Variants in SLC14A2 observed in about 807,000 individuals in gnomAD.
SLC14A2 encodes urea transporter 2.
SLC14A2 carries 91 observed loss-of-function variants against 104.6 expected under a neutral mutation model. The observed-to-expected ratio is 0.87, with a 90% CI of 0.73 to 1.04. SLC14A2 has a LOEUF of 1.04. SLC14A2 is among the 50% of genes least tolerant of loss of function. The pLI is 0.00. For missense variants in SLC14A2, 1,189 were observed against 1,156.0 expected, an observed-to-expected ratio of 1.03 and a Z score of -0.41; for synonymous variants, 476 against 466.4, an observed-to-expected ratio of 1.02 and a Z score of -0.27.
chr18:45,340,069 A>C (rs753363424), intron 1 of SLC14A2, among the ~76,000 whole-genome samples: 8 of 152,226 alleles, frequency 5.3e-5, no homozygotes, highest in Admixed American at 6.5e-5. Context: ...TTGGTAGGTC[A>C]CATGTGCTAT....
the SLC14A2 span, among the ~76,000 whole-genome samples, chr18:45,185,287 C>T: frequency 6.6e-6 from 1 of 152,160 alleles, no homozygotes; most frequent in Non-Finnish European, 1.5e-5. Flanking sequence ...GGAGGTTGTG[C>T]ACACATTGAA....
intron 1 of SLC14A2, among the ~76,000 whole-genome samples, chr18:45,378,876 G>A (rs1202811302): frequency 6.6e-6 from 1 of 152,156 alleles, no homozygotes; most frequent in East Asian, 1.9e-4. Flanking sequence ...CTCCCGAAGT[G>A]CTGGGATTAC....
intron 2 of SLC14A2, among the ~76,000 whole-genome samples, chr18:45,499,108 A>G (rs2043149587): frequency 6.6e-6 from 1 of 151,700 alleles, no homozygotes; most frequent in African/African-American, 2.4e-5. Context: ...CACCACCTTC[A>G]TTTTTCACTG....
At chr18:45,602,278 T>C (rs2044801909) in intron 2 of SLC14A2, among the ~76,000 whole-genome samples, 1 of 152,202 alleles carries the variant, frequency 6.6e-6, no homozygotes, top group Non-Finnish European at 1.5e-5. Context: ...TCATCTCTCT[T>C]GGAGAGGGTT....
intron 1 of SLC14A2, among the ~76,000 whole-genome samples, chr18:45,281,008 A>AAG (rs2084757066): frequency 2.6e-5 from 4 of 152,070 alleles, no homozygotes; most frequent in Admixed American, 2.6e-4. Flanking sequence ...CCAACGTGCC[A>AAG]AGCCCCACCA....
chr18:45,659,728 C>A (rs543902113), intron 10 of SLC14A2, among the ~76,000 whole-genome samples: 1 of 152,328 alleles, frequency 6.6e-6, no homozygotes, highest in African/African-American at 2.4e-5. Flanking sequence ...ACCTATATTT[C>A]AGTGTCTATC....
intron 1 of SLC14A2, 137 bp from the exon 2 acceptor site, chr18:45,624,494 T>G (rs1392997697): frequency 2.0e-6 from 1 of 497,968 alleles, no homozygotes; most frequent in Non-Finnish European, 3.5e-6. Context: ...TGTCCTCAAC[T>G]CTACAGCACA....
Position 45,682,396 on chromosome 18 carries a change from C to A in SLC14A2, c.2640C>A (p.Ala880=). 1 of 1,614,170 alleles carries A rather than the reference C, an allele frequency of 6.2e-7. No individual in the cohort carries two copies. Among genetic ancestry groups the A allele is most frequent in the Non-Finnish European group, 8.5e-7 (1 of 1,180,026 alleles). Residue 880 remains alanine, a synonymous_variant, in exon 20 of 20, where the codon GCC becomes GCA. Transcript: ENST00000255226. ...TGCTCCTGACGACCAATAACCCCGC[C>A]ATCTACAAGCTCCCGCTCAGCAAAG... is the stretch of plus-strand genomic sequence containing the variant. ...TFLLLTTNNP[A]IYKLPLSKVT...
At chr18:45,456,532 T>A (rs1273156861) in intron 1 of SLC14A2, among the ~76,000 whole-genome samples, 2 of 152,192 alleles carry the variant, frequency 1.3e-5, no homozygotes, top group African/African-American at 4.8e-5. Context: ...TGCTCCTCCA[T>A]GGTGAAGACA....
intron 1 of SLC14A2, among the ~76,000 whole-genome samples, chr18:45,464,902 C>A (rs2087112433): frequency 6.6e-6 from 1 of 152,076 alleles, no homozygotes; most frequent in Non-Finnish European, 1.5e-5. Context: ...GTTGGTAGAG[C>A]CTGTCTCTGA....
At chr18:45,171,169 A>G in the SLC14A2 span, among the ~76,000 whole-genome samples, 1 of 152,180 alleles carries the variant, frequency 6.6e-6, no homozygotes. Flanking sequence ...TTTTTATCAC[A>G]CATATGTTCA....
chr18:45,588,303 G>A (rs377348261), intron 2 of SLC14A2, among the ~76,000 whole-genome samples: 8 of 152,286 alleles, frequency 5.3e-5, no homozygotes, highest in Middle Eastern at 3.4e-3. Flanking sequence ...GAGGACTCCA[G>A]CTTCAGGGGC....
At chr18:45,211,714 C>G (rs753060064), upstream of SLC14A2, among the ~76,000 whole-genome samples, 2 of 152,172 alleles carry the variant, frequency 1.3e-5, no homozygotes, top group Non-Finnish European at 2.9e-5. Flanking sequence ...GCTAAACACT[C>G]AATGTACACT....
intron 2 of SLC14A2, among the ~76,000 whole-genome samples, chr18:45,540,322 C>T (rs1179967353): frequency 1.3e-5 from 2 of 152,140 alleles, no homozygotes; most frequent in African/African-American, 4.8e-5. Flanking sequence ...CATTCCTTTC[C>T]ATCCAGCCCC....
chr18:45,344,202 A>G (rs1269312164), intron 1 of SLC14A2, among the ~76,000 whole-genome samples: 1 of 152,152 alleles, frequency 6.6e-6, no homozygotes, highest in Non-Finnish European at 1.5e-5. Flanking sequence ...ACACTGATCT[A>G]TTCATTGGGG....
intron 1 of SLC14A2, among the ~76,000 whole-genome samples, chr18:45,453,984 C>T (rs1268711954): frequency 2.6e-5 from 4 of 151,336 alleles, no homozygotes; most frequent in African/African-American, 4.9e-5. Flanking sequence ...CTCAGCCTCC[C>T]GAGTAGCTGG....
rs1275629029 is a variant in SLC14A2 at position 45,236,005 on chromosome 18, GTGTGTATATA to G, written c.-125+22826_-125+22835del. Among the ~76,000 whole-genome samples the G allele has an allele frequency of 7.2e-5, 4 of 55,708 alleles. No individual in the cohort carries two copies. The East Asian group carries it at 1.7e-3, about 24-fold the overall frequency. 36.5% of individuals were successfully genotyped at this position (55,708 alleles called of 152,430 possible). On this transcript the variant is annotated intron_variant, in intron 1 of 20. Coordinates refer to the SLC14A2 transcript ENST00000586448. ...TATATATGTGTATATATACATATAT[GTGTGTATATA>G]TGTGTATATATACATATATGTGTGT...
chr18:45,254,107 G>A (rs1055380219), intron 1 of SLC14A2, among the ~76,000 whole-genome samples: 28 of 152,224 alleles, frequency 1.8e-4, no homozygotes, highest in Middle Eastern at 3.4e-3. Context: ...TCCCTGTGCC[G>A]ATCATCACAC....
chr18:45,182,565 A>G, the SLC14A2 span, among the ~76,000 whole-genome samples: 1 of 152,046 alleles, frequency 6.6e-6, no homozygotes, highest in Admixed American at 6.5e-5. Flanking sequence ...CCTAAGGCCA[A>G]CGAGAGTATT....
Sources: gnomAD v4.1 joint callset for allele counts (sites outside exome capture counted in the v4.1 genomes callset) on GRCh38, gnomAD v4.1.1 for gene constraint, MANE v1.5 for transcripts, NCBI Gene and HGNC (gene_info 2026-07-23, HGNC 2026-07-21) for gene names.